KAZN: variants seen among roughly 807,000 people sequenced by gnomAD.
The protein encoded by KAZN is kazrin, periplakin interacting protein.
A neutral mutation model predicts 87.4 loss-of-function variants in KAZN; 40 were observed. The ratio of observed to expected loss-of-function variants is 0.46; its 90% CI spans 0.36 to 0.60. The LOEUF (loss-of-function observed/expected upper bound fraction) is 0.60. Among genes scored for constraint, KAZN ranks in the 20% least tolerant of loss-of-function variants. KAZN has a pLI of 0.00. For missense variants in KAZN, 898 were observed against 1,073.9 expected, an observed-to-expected ratio of 0.84 and a Z score of 2.29; for synonymous variants, 466 against 458.3, an observed-to-expected ratio of 1.02 and a Z score of -0.22.
intron 1 of KAZN, among the ~76,000 whole-genome samples, chr1:13,908,422 G>A (rs1007144658): frequency 8.0e-5 from 12 of 150,752 alleles, no homozygotes; most frequent in Non-Finnish European, 1.6e-4. Flanking sequence ...TGGCCTTGAC[G>A]GCTCTTTGGT....
In KAZN at chr1:13,983,852, C is replaced by T. The variant is rs559290035; in HGVS notation, c.91+90096C>T. On this transcript the variant is annotated intron_variant, in intron 1 of 16. Transcript: ENST00000636203. ...TTATACATGTTTATTTTTGAACCTCCTCTTTTCAAAACCTAAACTGGTGTG... is the reference window on the plus strand; with the variant it reads ...TTATACATGTTTATTTTTGAACCTCTTCTTTTCAAAACCTAAACTGGTGTG... Among the ~76,000 whole-genome samples, 5 of 152,276 alleles carry T rather than the reference C, an allele frequency of 3.3e-5. No individual in the cohort carries two copies. In the South Asian group the frequency reaches 1.0e-3, roughly 32 times the overall value.
chr1:14,393,489 A>C (rs904242149), intron 2 of KAZN, among the ~76,000 whole-genome samples: 1 of 152,166 alleles, frequency 6.6e-6, no homozygotes, highest in Non-Finnish European at 1.5e-5. Context: ...GGGGCCAAGG[A>C]AATCAACCGT....
intron 2 of KAZN, among the ~76,000 whole-genome samples, chr1:14,396,960 A>G (rs1272403623): frequency 6.6e-6 from 1 of 152,070 alleles, no homozygotes; most frequent in Non-Finnish European, 1.5e-5. Context: ...ATCTATAGAA[A>G]GTTTATGTCT....
Position 14,547,912 on chromosome 1 carries a change from A to C in KAZN, c.250-51071A>C, listed in dbSNP as rs1337689756. On this transcript the variant is annotated intron_variant, in intron 2 of 16. Transcript: ENST00000636203. Reference sequence around the variant, plus strand: ...AGAATACCACAAGGACAATCCATGCAACCACTACCAAAGTTAGGATCTAAA... The same window carrying C: ...AGAATACCACAAGGACAATCCATGCCACCACTACCAAAGTTAGGATCTAAA... 3.9e-5 allele frequency among the ~76,000 whole-genome samples: 6 copies of C among 152,188 alleles called. No individual in the cohort carries two copies. In the East Asian group the frequency reaches 1.2e-3, roughly 29 times the overall value.
intron 1 of KAZN, among the ~76,000 whole-genome samples, chr1:14,134,993 ACACACACACATGTG>A (rs148277636): frequency 3.7e-5 from 2 of 54,488 alleles, no homozygotes; most frequent in East Asian, 9.3e-4. Flanking sequence ...ACACACACAC[ACACACACACATGTG>A]CACACATGCA....
rs147702998 is a variant in KAZN at position 14,449,665 on chromosome 1, A to G, written c.250-149318A>G. On this transcript the variant is annotated intron_variant, in intron 2 of 16. Transcript: ENST00000636203. Reference sequence around the variant, plus strand: ...AGAACTAGTAAAACCAAAATTCACTATGGAGATTGTTTCAATAATTTCATG... The same window carrying G: ...AGAACTAGTAAAACCAAAATTCACTGTGGAGATTGTTTCAATAATTTCATG... Among the ~76,000 whole-genome samples the G allele has an allele frequency of 2.4e-4, 37 of 152,346 alleles. No individual in the cohort carries two copies. In the South Asian group the frequency reaches 6.8e-3, roughly 28 times the overall value.
At chr1:14,238,317 TG>T (rs1292200830) in intron 2 of KAZN, among the ~76,000 whole-genome samples, 1 of 152,210 alleles carries the variant, frequency 6.6e-6, no homozygotes, top group Admixed American at 6.5e-5. Context: ...GAGTAGGTGA[TG>T]GGACCAAATG....
At chr1:14,679,976 C>G (rs968565120) in intron 1 of KAZN, among the ~76,000 whole-genome samples, 9 of 152,064 alleles carry the variant, frequency 5.9e-5, no homozygotes, top group African/African-American at 1.9e-4. Flanking sequence ...ACCAACAGGA[C>G]AAGAGGGAGA....
intron 8 of KAZN, among the ~76,000 whole-genome samples, chr1:15,079,281 G>A (rs1639894001): frequency 6.6e-6 from 1 of 152,138 alleles, no homozygotes; most frequent in South Asian, 2.1e-4. Flanking sequence ...GCCTAAGGAG[G>A]AACTGCTTGC....
At position 14,233,389 on chromosome 1, in the gene KAZN, C is replaced by T. The variant is rs922841867; in HGVS notation, c.249+52797C>T. 9.2e-5 allele frequency among the ~76,000 whole-genome samples: 14 copies of T among 152,294 alleles called. No individual in the cohort carries two copies. The South Asian group carries it at 1.2e-3, about 14-fold the overall frequency. ...GGTTCAAGCAATCCTATTGCTGTGG[C>T]CTCCCAAAGCGCTGGGATTGCAGGT... is the stretch of plus-strand genomic sequence containing the variant. On this transcript the variant is annotated intron_variant, in intron 2 of 16. Coordinates refer to the KAZN transcript ENST00000636203.
intron 1 of KAZN, among the ~76,000 whole-genome samples, chr1:13,903,155 T>C (rs1483987028): frequency 6.6e-6 from 1 of 152,212 alleles, no homozygotes; most frequent in Non-Finnish European, 1.5e-5. Flanking sequence ...AATTATATAC[T>C]AATGATGTAC....
intron 2 of KAZN, among the ~76,000 whole-genome samples, chr1:14,388,233 GA>G (rs911973433): frequency 3.3e-5 from 5 of 152,166 alleles, no homozygotes; most frequent in Non-Finnish European, 7.3e-5. Flanking sequence ...CTAGTGAGAT[GA>G]ACCCGGTACC....
intron 1 of KAZN, among the ~76,000 whole-genome samples, chr1:14,611,373 T>C (rs746387725): frequency 1.4e-4 from 22 of 152,232 alleles, no homozygotes; most frequent in Non-Finnish European, 2.6e-4. Flanking sequence ...TAGAAAGTAT[T>C]TTTGAGGATC....
intron 1 of KAZN, among the ~76,000 whole-genome samples, chr1:14,874,813 T>A (rs1175006358): frequency 6.6e-6 from 1 of 152,086 alleles, no homozygotes; most frequent in South Asian, 2.1e-4. Context: ...TTTCCCCTTT[T>A]AAGGTTTGAG....
intron 1 of KAZN, among the ~76,000 whole-genome samples, chr1:14,150,837 T>C (rs1645456471): frequency 6.6e-6 from 1 of 152,212 alleles, no homozygotes; most frequent in East Asian, 1.9e-4. Context: ...ATTTTTATTT[T>C]TAAATAATTG....
intron 2 of KAZN, among the ~76,000 whole-genome samples, chr1:14,569,903 G>A (rs1674759774): frequency 6.6e-6 from 1 of 151,718 alleles, no homozygotes; most frequent in South Asian, 2.1e-4. Context: ...ACAAGGTTAG[G>A]AGATCGAGAC....
intron 2 of KAZN, among the ~76,000 whole-genome samples, chr1:14,393,430 T>G (rs909277520): frequency 6.6e-6 from 1 of 152,164 alleles, no homozygotes; most frequent in Non-Finnish European, 1.5e-5. Flanking sequence ...ACAGACATCA[T>G]TGCATTTTAG....
chr1:14,237,409 T>C (rs1648527187), intron 2 of KAZN, among the ~76,000 whole-genome samples: 1 of 152,188 alleles, frequency 6.6e-6, no homozygotes, highest in Non-Finnish European at 1.5e-5. Context: ...ACCTTGGCTT[T>C]CAATCATTGC....
rs60830567 is a variant in KAZN, at chr1:14,672,457, G to T, written c.226+73234G>T. The stretch of plus-strand genomic sequence containing the variant: ...CTTTCGACAGGTCAATTCCATAACA[G>T]TCTGGCTCTTTCTCGAAGAGCTCCC... On this transcript the variant is annotated intron_variant, in intron 1 of 14. Transcript: ENST00000376030. 5.6e-3 allele frequency among the ~76,000 whole-genome samples: 848 copies of T among 152,276 alleles called. 17 individuals carry two copies. The highest frequency in any genetic ancestry group is 0.012 in the Admixed American group (191 of 15,300).
Sources: gnomAD v4.1 joint callset for allele counts (sites outside exome capture counted in the v4.1 genomes callset) on GRCh38, gnomAD v4.1.1 for gene constraint, MANE v1.5 for transcripts, NCBI Gene and HGNC (gene_info 2026-07-23, HGNC 2026-07-21) for gene names.